SH3BP4: variants seen among roughly 807,000 people sequenced by gnomAD.
SH3BP4 encodes the protein SH3 domain binding protein 4.
Under a neutral mutation model 65.5 loss-of-function variants are expected in SH3BP4, and 33 were observed. That is an observed-to-expected ratio of 0.50 (90% CI 0.38 to 0.67). The LOEUF (loss-of-function observed/expected upper bound fraction) is 0.67. Among genes scored for constraint, SH3BP4 ranks in the 30% least tolerant of loss-of-function variants. The probability of loss-of-function intolerance (pLI) is 0.00; values close to 1 mark genes in which losing one functional copy is unlikely to be tolerated. For synonymous variants in SH3BP4, 552 were observed against 545.5 expected, an observed-to-expected ratio of 1.01 and a Z score of -0.17; for missense variants, 1,134 against 1,261.4, an observed-to-expected ratio of 0.90 and a Z score of 1.53.
At chr2:234,982,084 C>T (rs6720830) in intron 1 of SH3BP4, among the ~76,000 whole-genome samples, 42,278 of 151,922 alleles carry the variant, frequency 0.28, 6,430 homozygotes, top group East Asian at 0.59. Context: ...TTTGAATATC[C>T]GGGGTAATGT....
chr2:235,017,526 T>C (rs2106304939), intron 2 of SH3BP4, among the ~76,000 whole-genome samples: 1 of 152,326 alleles, frequency 6.6e-6, no homozygotes, highest in South Asian at 2.1e-4. Flanking sequence ...GATCAGACTT[T>C]AATTAATCAG....
chr2:235,008,173 A>G (rs937384465), intron 2 of SH3BP4, among the ~76,000 whole-genome samples: 1 of 152,150 alleles, frequency 6.6e-6, no homozygotes. Context: ...GAGGTGTGGC[A>G]CAGCTTGAGG....
At chr2:235,031,090 G>A (rs1423316396) in intron 2 of SH3BP4, among the ~76,000 whole-genome samples, 1 of 152,102 alleles carries the variant, frequency 6.6e-6, no homozygotes, top group African/African-American at 2.4e-5. Flanking sequence ...GTGGAGGGGA[G>A]GGCTGCCTGT....
intron 3 of SH3BP4, among the ~76,000 whole-genome samples, chr2:235,038,340 TA>T (rs1695490666): frequency 8.2e-4 from 3 of 3,650 alleles, no homozygotes; most frequent in Non-Finnish European, 1.9e-3. Flanking sequence ...TTATATATAG[TA>T]TATATATTTT....
chr2:234,953,422 G>GT (rs750229896), intron 1 of SH3BP4, among the ~76,000 whole-genome samples: 2 of 152,162 alleles, frequency 1.3e-5, no homozygotes, highest in Non-Finnish European at 2.9e-5. Context: ...CAAAGTTTGG[G>GT]TTTTTTCCTT....
In SH3BP4 at chr2:235,054,013, C is replaced by T. The variant is rs1359994596; in HGVS notation, c.*197C>T. 1.5e-5 allele frequency: 8 copies of T among 536,428 alleles called. No homozygotes were observed. Among genetic ancestry groups the T allele is most frequent in the East Asian group, 2.8e-5 (1 of 35,378 alleles). 33.2% of individuals were successfully genotyped at this position (536,428 alleles called of 1,614,324 possible). Reference sequence around the variant, plus strand: ...CCTGAAGGGACTGCCTACTGCAGCTCGTTGCCAATCACATAGCTTTCTATT... The same window carrying T: ...CCTGAAGGGACTGCCTACTGCAGCTTGTTGCCAATCACATAGCTTTCTATT... On this transcript the variant is annotated 3_prime_UTR_variant, in exon 6 of 6. Coordinates refer to ENST00000392011, the MANE Select transcript of SH3BP4 (RefSeq NM_014521.3).
At chr2:234,994,631 G>C (rs1693856292) in intron 1 of SH3BP4, 2 of 152,240 alleles carry the variant, frequency 1.3e-5, no homozygotes, top group Admixed American at 1.3e-4. Flanking sequence ...CTGCTGCGGT[G>C]TGTCTGGGGT....
intron 1 of SH3BP4, among the ~76,000 whole-genome samples, chr2:234,966,318 G>A (rs553775065): frequency 1.1e-4 from 17 of 152,270 alleles, no homozygotes; most frequent in Admixed American, 9.2e-4. Flanking sequence ...GCAGTGAGCC[G>A]AGATTGCGCC....
In SH3BP4 at chr2:235,042,342, G is replaced by C; in HGVS notation, c.1573G>C (p.Gly525Arg). 1 of 1,614,178 alleles carries C rather than the reference G, an allele frequency of 6.2e-7. No homozygotes were observed. The highest frequency in any genetic ancestry group is 8.5e-7 in the Non-Finnish European group (1 of 1,180,034). The change falls in exon 4 of 6, where the codon GGG becomes CGG. Residue 525 changes from glycine to arginine, a missense_variant. Coordinates refer to ENST00000392011, the MANE Select transcript of SH3BP4 (RefSeq NM_014521.3). The surrounding 1 kb of genome is among the most constrained non-coding windows in gnomAD (Gnocchi z 7.3). ...TGCCCCGGTGGCCCTGCAGCTGTGG[G>C]GGAAGCACCAGTTCGTTTTGTCCAG... ...NPAPVALQLW[G>R]KHQFVLSRPQ...
rs1035733111 is a variant in SH3BP4 at position 235,034,070 on chromosome 2, C to T, written c.-132-801C>T. On this transcript the variant is annotated intron_variant, in intron 2 of 5. Transcript: ENST00000392011. This position sits in a 1 kb window ranked among gnomAD's most constrained non-coding sequence, Gnocchi z 6.2. ...GCTCGCTGCTGTTCCTGTCCCTTCTCCCTGGACCCTGCTGAAGGGCCTGCT... is the reference window on the plus strand; with the variant it reads ...GCTCGCTGCTGTTCCTGTCCCTTCTTCCTGGACCCTGCTGAAGGGCCTGCT... 6.6e-6 allele frequency among the ~76,000 whole-genome samples: 1 copy of T among 152,070 alleles called. No individual in the cohort carries two copies. Among genetic ancestry groups the T allele is most frequent in the African/African-American group, 2.4e-5 (1 of 41,404 alleles).
intron 1 of SH3BP4, among the ~76,000 whole-genome samples, chr2:234,987,703 TA>T (rs1173117602): frequency 6.6e-6 from 1 of 152,164 alleles, no homozygotes; most frequent in African/African-American, 2.4e-5. Flanking sequence ...AACCTTGGAT[TA>T]AAACCTTCAC....
Position 235,030,115 on chromosome 2 carries a change from A to G in SH3BP4, c.-132-4756A>G, listed in dbSNP as rs1293854994. 6.6e-6 allele frequency among the ~76,000 whole-genome samples: 1 copy of G among 152,110 alleles called. No individual in the cohort carries two copies. Among genetic ancestry groups the G allele is most frequent in the African/African-American group, 2.4e-5 (1 of 41,406 alleles). ...TTCATCTCAGGCCAGGGGAGAGCAG[A>G]CTGATTTTTTTAAAAGCGGTGAGCA... On this transcript the variant is annotated intron_variant, in intron 2 of 5. Coordinates refer to ENST00000392011, the MANE Select transcript of SH3BP4 (RefSeq NM_014521.3). This position sits in a 1 kb window ranked among gnomAD's most constrained non-coding sequence, Gnocchi z 4.1.
chr2:235,038,388 T>C (rs1180703965), intron 3 of SH3BP4, among the ~76,000 whole-genome samples: 651 of 15,568 alleles, frequency 0.042, 54 homozygotes, highest in African/African-American at 0.16. Context: ...TATATATATA[T>C]ATATATATAT....
At chr2:235,050,901 C>T (rs749880757) in intron 4 of SH3BP4, among the ~76,000 whole-genome samples, 3 of 152,146 alleles carry the variant, frequency 2.0e-5, no homozygotes, top group Non-Finnish European at 4.4e-5. Context: ...ACCTCAGGTG[C>T]TGAAACAGAG....
intron 1 of SH3BP4, among the ~76,000 whole-genome samples, chr2:234,973,366 G>A (rs6733947): frequency 0.098 from 14,834 of 152,114 alleles, 1,293 homozygotes; most frequent in African/African-American, 0.23. Context: ...GTGCCCTCCC[G>A]GTTTTAACAT....
chr2:234,984,360 C>T (rs1037001461), intron 1 of SH3BP4, among the ~76,000 whole-genome samples: 5 of 151,928 alleles, frequency 3.3e-5, no homozygotes, highest in African/African-American at 4.8e-5. Flanking sequence ...CATCACCATG[C>T]CTGGCTAATT....
intron 3 of SH3BP4, among the ~76,000 whole-genome samples, chr2:235,038,258 A>C (rs60763169): frequency 1.5e-3 from 36 of 24,686 alleles, no homozygotes; most frequent in African/African-American, 0.011. Flanking sequence ...ATTATATATA[A>C]TATATATTAT....
At chr2:235,019,777 G>C (rs1228959215) in intron 2 of SH3BP4, among the ~76,000 whole-genome samples, 1 of 149,482 alleles carries the variant, frequency 6.7e-6, no homozygotes, top group Non-Finnish European at 1.5e-5. Context: ...TTCTGCTGCT[G>C]CTACCTTCTC....
intron 3 of SH3BP4, among the ~76,000 whole-genome samples, chr2:235,038,366 A>AATATATATATAC (rs1231135377): frequency 3.0e-3 from 119 of 39,574 alleles, no homozygotes; most frequent in Non-Finnish European, 3.8e-3. Flanking sequence ...ATATATATAT[A>AATATATATATAC]ATATATATAC....
Sources: allele counts gnomAD v4.1 joint callset (sites outside exome capture counted in the v4.1 genomes callset), GRCh38; gene constraint gnomAD v4.1.1; non-coding constraint Gnocchi (gnomAD v3.1); transcripts MANE v1.5; gene names NCBI Gene and HGNC (gene_info 2026-07-23, HGNC 2026-07-21).